The following NSL1 variants were observed in gnomAD, a reference collection of about 807,000 sequenced individuals.
NSL1 encodes the protein kinetochore-associated protein NSL1 homolog.
Under a neutral mutation model 25.4 loss-of-function variants are expected in NSL1, and 11 were observed. The ratio of observed to expected loss-of-function variants is 0.43; its 90% CI spans 0.27 to 0.72. The LOEUF (loss-of-function observed/expected upper bound fraction) is 0.72. Among genes scored for constraint, NSL1 ranks in the 30% least tolerant of loss-of-function variants. The pLI, the probability that NSL1 is intolerant of heterozygous loss-of-function variation, is 0.19. For missense variants in NSL1, 330 were observed against 342.7 expected (o/e 0.96, Z 0.29); for synonymous variants, 118 against 120.6 (o/e 0.98, Z 0.14).
At position 212,730,562 on chromosome 1, in the gene NSL1, G is replaced by C. The variant is rs1657975334; in HGVS notation, c.*7846C>G. On this transcript the variant is annotated 3_prime_UTR_variant, in exon 6 of 6. Transcript: ENST00000366977. Reference sequence around the variant, plus strand: ...GTCAGCTGGAGCAGAAGACCTGCAGGGAGAAGTTGAATTTTCTTCTCTAGC... The same window carrying C: ...GTCAGCTGGAGCAGAAGACCTGCAGCGAGAAGTTGAATTTTCTTCTCTAGC... 1.0e-6 allele frequency: 1 copy of C among 985,256 alleles called. No individual in the cohort carries two copies. Among genetic ancestry groups the C allele is most frequent in the South Asian group, 4.7e-5 (1 of 21,292 alleles). The allele number at this position is 985,256 out of a possible 1,614,324, so 61.0% of individuals were successfully genotyped here.
chr1:212,777,123 T>C (rs1571910903), intron 4 of NSL1, among the ~76,000 whole-genome samples: 4 of 150,948 alleles, frequency 2.6e-5, no homozygotes, highest in Admixed American at 2.6e-4. Flanking sequence ...CCTGTAATCC[T>C]AGCACTTTTG....
At chr1:212,773,777 G>A (rs972469344) in intron 4 of NSL1, among the ~76,000 whole-genome samples, 9 of 152,148 alleles carry the variant, frequency 5.9e-5, no homozygotes, top group East Asian at 3.9e-4. Flanking sequence ...GCCTAGATAC[G>A]GAATCAACCT....
Position 212,729,926 on chromosome 1 carries a change from G to C in NSL1, c.*8482C>G. The C allele has an allele frequency of 1.0e-6, 1 of 985,180 alleles. No homozygotes were observed. 61.0% of individuals were successfully genotyped at this position (985,180 alleles called of 1,614,324 possible). A position where few individuals can be genotyped will look rare whatever the true frequency, so the allele number is the denominator to read the frequency against. On this transcript the variant is annotated 3_prime_UTR_variant, in exon 6 of 6. Coordinates refer to ENST00000366977, the MANE Select transcript of NSL1 (RefSeq NM_015471.4). ...GGTAACCAGAAGCTGCCTTGTGGAG[G>C]AACTAAACCTCCGGAAGGATTTTTT...
chr1:212,790,864 A>C (rs1661189816), intron 1 of NSL1, among the ~76,000 whole-genome samples: 2 of 152,126 alleles, frequency 1.3e-5, no homozygotes, highest in South Asian at 2.1e-4. Flanking sequence ...CGGAGCTTGC[A>C]GTGAGCCGAG....
intron 4 of NSL1, among the ~76,000 whole-genome samples, chr1:212,751,721 A>G (rs1482811613): frequency 6.6e-6 from 1 of 152,112 alleles, no homozygotes; most frequent in African/African-American, 2.4e-5. Context: ...ATTTTTTTTA[A>G]AGACAAAAGA....
At chr1:212,762,932 T>A (rs1558051733) in intron 4 of NSL1, among the ~76,000 whole-genome samples, 1 of 152,238 alleles carries the variant, frequency 6.6e-6, no homozygotes, top group East Asian at 1.9e-4. Context: ...TGCGATATAA[T>A]CTTGAGTAGG....
In NSL1 at chr1:212,739,561, T is replaced by C; in HGVS notation, c.540A>G (p.Val180=). The C allele has an allele frequency of 6.2e-7, 1 of 1,613,698 alleles. No homozygotes were observed. Among genetic ancestry groups the C allele is most frequent in the Non-Finnish European group, 8.5e-7 (1 of 1,179,756 alleles). Residue 180 remains valine (V), a synonymous_variant, in exon 5 of 6, where the codon GTA becomes GTG. Coordinates refer to ENST00000366977, the MANE Select transcript of NSL1 (RefSeq NM_015471.4). Reference sequence around the variant, plus strand: ...TCATGGCTTCACTGATCTCCTTTGCTACTGTTTCCCCTCTGCATTTCAAAT... The same window carrying C: ...TCATGGCTTCACTGATCTCCTTTGCCACTGTTTCCCCTCTGCATTTCAAAT... ...MENLKCRGET[V]AKEISEAMKS...
At chr1:212,743,078 A>G (rs531191787) in intron 4 of NSL1, among the ~76,000 whole-genome samples, 2 of 152,358 alleles carry the variant, frequency 1.3e-5, no homozygotes, top group East Asian at 1.9e-4. Flanking sequence ...ATTCCTTAGG[A>G]AAAAACAGGT....
chr1:212,728,329 AT>A lies in NSL1; in HGVS notation c.*10078del. On this transcript the variant is annotated 3_prime_UTR_variant, in exon 6 of 6. Transcript: ENST00000366977. ...TCCAGGCATAAAGTGGATTCTTTAT[AT>A]GCCTGTTTTAAAAATATGCTGCTTT... The A allele has an allele frequency of 1.0e-6, 1 of 985,192 alleles. No individual in the cohort carries two copies. Among genetic ancestry groups the A allele is most frequent in the Non-Finnish European group, 1.2e-6 (1 of 829,674 alleles). 61.0% of individuals were successfully genotyped at this position (985,192 alleles called of 1,614,324 possible).
At chr1:212,778,401 CCTCTCTCCT>C (rs1319334586) in intron 4 of NSL1, among the ~76,000 whole-genome samples, 2 of 145,442 alleles carry the variant, frequency 1.4e-5, no homozygotes, top group African/African-American at 4.9e-5. Context: ...TTCGCTCTCT[CCTCTCTCCT>C]CTCTCTCCCC....
In NSL1 at chr1:212,744,637, C is replaced by T. The variant is rs369403691; in HGVS notation, c.500-5036G>A. 2.0e-4 allele frequency among the ~76,000 whole-genome samples: 30 copies of T among 151,966 alleles called. No homozygotes were observed. The East Asian group carries it at 5.0e-3, about 25-fold the overall frequency. On this transcript the variant is annotated intron_variant, in intron 4 of 5. Coordinates refer to ENST00000366977, the MANE Select transcript of NSL1 (RefSeq NM_015471.4). The stretch of plus-strand genomic sequence containing the variant: ...AGAAAACCTAAATAATGTGTGTCAC[C>T]GAACAGAGAATACCAATGGCAGACA...
In NSL1 at chr1:212,754,769, C is replaced by CA. The variant is rs59259608; in HGVS notation, c.500-15169dup. 2.3e-3 allele frequency among the ~76,000 whole-genome samples: 165 copies of CA among 71,304 alleles called. 6 individuals are homozygous for CA. Among genetic ancestry groups the CA allele is most frequent in the South Asian group, 6.4e-3 (12 of 1,874 alleles). 46.8% of individuals were successfully genotyped at this position (71,304 alleles called of 152,430 possible). On this transcript the variant is annotated intron_variant, in intron 4 of 5. Coordinates refer to ENST00000366977, the MANE Select transcript of NSL1 (RefSeq NM_015471.4). The stretch of plus-strand genomic sequence containing the variant: ...GGGCAACAAGAGTAAAATTCTGTCT[C>CA]AAAAAAAAAAAAAAAACCAACTCAA...
In NSL1 at chr1:212,730,336, T is replaced by C. The variant is rs1657968133; in HGVS notation, c.*8072A>G. ...GTGGAGGGTGGCATTCCCATCAAGG[T>C]GGCATCAGGGGCAGAAATGGACAAA... On this transcript the variant is annotated 3_prime_UTR_variant, in exon 6 of 6. Coordinates refer to ENST00000366977, the MANE Select transcript of NSL1 (RefSeq NM_015471.4). The C allele has an allele frequency of 1.0e-6, 1 of 976,800 alleles. No individual in the cohort carries two copies. The highest frequency in any genetic ancestry group is 1.2e-6 in the Non-Finnish European group (1 of 828,320). The allele number at this position is 976,800 out of a possible 1,614,324, so 60.5% of individuals were successfully genotyped here. A position where few individuals can be genotyped will look rare whatever the true frequency, so the allele number is the denominator to read the frequency against.
rs1660995782 is a variant in NSL1, at chr1:212,787,543, G to A, written c.313+16C>T. 5 of 1,560,122 alleles carry A rather than the reference G, an allele frequency of 3.2e-6. No individual in the cohort carries two copies. In the East Asian group the frequency reaches 6.9e-5, roughly 21 times the overall value. ...AATAACCCAGAAATTAATAATGGAA[G>A]GAAAAAGTCACATACCCATAAAACA... On this transcript the variant is annotated intron_variant, in intron 2 of 5. Transcript: ENST00000366977.
rs1658419546 is a variant in NSL1 at position 212,739,788 on chromosome 1, G to C, written c.500-187C>G. On this transcript the variant is annotated intron_variant, in intron 4 of 5. Coordinates refer to ENST00000366977, the MANE Select transcript of NSL1 (RefSeq NM_015471.4). The stretch of plus-strand genomic sequence containing the variant: ...AATAGAGTAAAACTAAAAGTTATAA[G>C]CATAAGATGGTACACAAAATTCTAT... Among the ~76,000 whole-genome samples the C allele has an allele frequency of 2.6e-5, 4 of 152,162 alleles. No homozygotes were observed. In the South Asian group the frequency reaches 8.3e-4, roughly 32 times the overall value.
chr1:212,748,031 GC>G (rs35796440), intron 4 of NSL1, among the ~76,000 whole-genome samples: 1 of 151,104 alleles, frequency 6.6e-6, no homozygotes, highest in Non-Finnish European at 1.5e-5. Flanking sequence ...CTCCCAAAGT[GC>G]TGGGATTACA....
Position 212,729,854 on chromosome 1 carries a change from G to T in NSL1, c.*8554C>A, listed in dbSNP as rs913221627. 1.0e-6 allele frequency: 1 copy of T among 985,172 alleles called. No homozygotes were observed. Among genetic ancestry groups the T allele is most frequent in the African/African-American group, 1.7e-5 (1 of 57,180 alleles). 61.0% of individuals were successfully genotyped at this position (985,172 alleles called of 1,614,324 possible). On this transcript the variant is annotated 3_prime_UTR_variant, in exon 6 of 6. Coordinates refer to ENST00000366977, the MANE Select transcript of NSL1 (RefSeq NM_015471.4). Reference sequence around the variant, plus strand: ...CTGCAAAGGGCAGTGATGTGTGGACGAAGGGGTTGCTGGGGTGACCCAGGC... The same window carrying T: ...CTGCAAAGGGCAGTGATGTGTGGACTAAGGGGTTGCTGGGGTGACCCAGGC...
In NSL1 at chr1:212,737,432, G is replaced by T. The variant is rs1558037290; in HGVS notation, c.*976C>A. 1.0e-6 allele frequency: 1 copy of T among 985,230 alleles called. No homozygotes were observed. The highest frequency in any genetic ancestry group is 5.2e-4 in the Middle Eastern group (1 of 1,914). 61.0% of individuals were successfully genotyped at this position (985,230 alleles called of 1,614,324 possible). ...ATCAGAGTCATCAAAAGGGGAAACAGTTGGTAAGTTTGATGGCCCTGCCTA... is the reference window on the plus strand; with the variant it reads ...ATCAGAGTCATCAAAAGGGGAAACATTTGGTAAGTTTGATGGCCCTGCCTA... On this transcript the variant is annotated 3_prime_UTR_variant, in exon 6 of 6. Coordinates refer to ENST00000366977, the MANE Select transcript of NSL1 (RefSeq NM_015471.4).
At chr1:212,784,078 TAA>T (rs755865011) in intron 3 of NSL1, 3 of 190,730 alleles carry the variant, frequency 1.6e-5, no homozygotes, top group African/African-American at 7.0e-5. Flanking sequence ...CTCAGAATCA[TAA>T]AGTCATTGTC....
Sources: gnomAD v4.1 joint callset for allele counts (sites outside exome capture counted in the v4.1 genomes callset) on GRCh38, gnomAD v4.1.1 for gene constraint, MANE v1.5 for transcripts, NCBI Gene and HGNC (gene_info 2026-07-23, HGNC 2026-07-21) for gene names.